Variants in NEBL observed in about 807,000 individuals in gnomAD.
The protein encoded by NEBL is nebulette.
In NEBL, 122 loss-of-function variants were observed where a neutral mutation model predicts 140.2. That is an observed-to-expected ratio of 0.87 (90% CI 0.75 to 1.01). The LOEUF (loss-of-function observed/expected upper bound fraction) is 1.01. NEBL is among the 50% of genes least tolerant of loss of function. The pLI is 0.00. For missense variants in NEBL, 1,365 were observed against 1,231.3 expected (o/e 1.11, Z -1.62); for synonymous variants, 436 against 398.9 (o/e 1.09, Z -1.11).
intron 7 of NEBL, among the ~76,000 whole-genome samples, chr10:20,865,584 C>T (rs933422584): frequency 2.6e-5 from 4 of 152,064 alleles, no homozygotes; most frequent in Non-Finnish European, 2.9e-5. Flanking sequence ...CAGAAAAGGG[C>T]GAAGTTGTAA....
chr10:20,883,387 C>A lies in NEBL; in HGVS notation c.370-2483G>T, dbSNP rs141020845. Among the ~76,000 whole-genome samples the A allele has an allele frequency of 5.0e-3, 757 of 152,302 alleles. 4 individuals carry two copies. The highest frequency in any genetic ancestry group is 0.017 in the African/African-American group (687 of 41,578). ...GTTAGAGTCTGTCCACCAACATACTCCATCAAGATATCTCCCTCTGGTGAC... is the reference window on the plus strand; with the variant it reads ...GTTAGAGTCTGTCCACCAACATACTACATCAAGATATCTCCCTCTGGTGAC... On this transcript the variant is annotated intron_variant, in intron 4 of 27. Coordinates refer to ENST00000377122, the MANE Select transcript of NEBL (RefSeq NM_006393.3).
At chr10:20,938,737 C>G (rs181358497) in intron 4 of NEBL, among the ~76,000 whole-genome samples, 1 of 152,124 alleles carries the variant, frequency 6.6e-6, no homozygotes, top group Non-Finnish European at 1.5e-5. Context: ...GCAAAGAAGT[C>G]CTCAAAGGAC....
At chr10:21,091,902 G>C (rs1836931673) in intron 2 of NEBL, among the ~76,000 whole-genome samples, 1 of 152,188 alleles carries the variant, frequency 6.6e-6, no homozygotes, top group African/African-American at 2.4e-5. Flanking sequence ...AAAATGCTGG[G>C]ATTACCGGCA....
chr10:20,905,539 C>A (rs1342625094), intron 4 of NEBL, among the ~76,000 whole-genome samples: 4 of 152,070 alleles, frequency 2.6e-5, no homozygotes, highest in Non-Finnish European at 5.9e-5. Flanking sequence ...GAAACTGCCC[C>A]CATGATCCAA....
chr10:20,847,261 C>T (rs1317075056), intron 11 of NEBL, among the ~76,000 whole-genome samples: 1 of 152,126 alleles, frequency 6.6e-6, no homozygotes, highest in East Asian at 1.9e-4. Context: ...AAGATACTTT[C>T]TACTGAAAGA....
chr10:21,144,264 G>A (rs1448166993), intron 2 of NEBL, among the ~76,000 whole-genome samples: 1 of 152,226 alleles, frequency 6.6e-6, no homozygotes, highest in Non-Finnish European at 1.5e-5. Context: ...ACCTGCAGAT[G>A]GGGCTGGATG....
intron 2 of NEBL, among the ~76,000 whole-genome samples, chr10:21,051,896 G>T (rs905538547): frequency 3.9e-5 from 6 of 152,130 alleles, no homozygotes; most frequent in African/African-American, 1.4e-4. Flanking sequence ...CTATGAGGGT[G>T]TGGTGGTGTG....
chr10:20,808,794 G>A (rs1324813796), intron 25 of NEBL, 135 bp from the exon 26 acceptor site: 5 of 936,846 alleles, frequency 5.3e-6, no homozygotes, highest in African/African-American at 4.9e-5. Context: ...TCAGCGCTAG[G>A]CACCTATTCC....
chr10:20,821,450 A>C (rs77381907), intron 19 of NEBL, among the ~76,000 whole-genome samples: 3,285 of 152,266 alleles, frequency 0.022, 66 homozygotes, highest in Non-Finnish European at 0.035. Flanking sequence ...AAATTTCCCA[A>C]ATTTCTGCCA....
intron 3 of NEBL, among the ~76,000 whole-genome samples, chr10:21,226,417 T>C (rs1343105773): frequency 6.6e-6 from 1 of 152,134 alleles, no homozygotes; most frequent in Non-Finnish European, 1.5e-5. Context: ...CCAAAGTCCA[T>C]TGGCTCTGAG....
chr10:20,867,445 T>C (rs966200282), intron 7 of NEBL, among the ~76,000 whole-genome samples: 1 of 152,200 alleles, frequency 6.6e-6, no homozygotes, highest in Non-Finnish European at 1.5e-5. Flanking sequence ...TCAAAAAAAC[T>C]ATAAATGTGT....
chr10:21,267,317 T>G (rs1233439739), intron 1 of NEBL, among the ~76,000 whole-genome samples: 1 of 152,026 alleles, frequency 6.6e-6, no homozygotes, highest in African/African-American at 2.4e-5. Flanking sequence ...TTTTGCCATG[T>G]TGGCCAGGCT....
chr10:21,227,152 C>A (rs1842162865), intron 3 of NEBL, among the ~76,000 whole-genome samples: 1 of 152,026 alleles, frequency 6.6e-6, no homozygotes, highest in Admixed American at 6.6e-5. Context: ...TGGAAATTTT[C>A]TGATCTGTGA....
chr10:21,074,014 G>T (rs1277873548), intron 2 of NEBL, among the ~76,000 whole-genome samples: 1 of 152,086 alleles, frequency 6.6e-6, no homozygotes, highest in Non-Finnish European at 1.5e-5. Context: ...GGTGGAGGTT[G>T]CAGTGAGCCG....
intron 2 of NEBL, among the ~76,000 whole-genome samples, chr10:21,125,392 C>A (rs1431675991): frequency 6.6e-6 from 1 of 152,158 alleles, no homozygotes; most frequent in African/African-American, 2.4e-5. Flanking sequence ...GTCTTCCAAA[C>A]AACTGTTTTA....
At chr10:20,817,918 C>T (rs1044686700) in intron 20 of NEBL, among the ~76,000 whole-genome samples, 1 of 152,182 alleles carries the variant, frequency 6.6e-6, no homozygotes, top group Non-Finnish European at 1.5e-5. Flanking sequence ...ATGCTTTCCT[C>T]TTCAATATCA....
intron 27 of NEBL, among the ~76,000 whole-genome samples, chr10:20,786,696 A>C (rs528579521): frequency 6.6e-6 from 1 of 152,348 alleles, no homozygotes; most frequent in Admixed American, 6.5e-5. Flanking sequence ...GGCTTGTAGA[A>C]GAAATTTCTG....
At chr10:21,098,080 A>G (rs1404368356) in intron 2 of NEBL, among the ~76,000 whole-genome samples, 1 of 152,206 alleles carries the variant, frequency 6.6e-6, no homozygotes, top group Admixed American at 6.5e-5. Flanking sequence ...GAAATCAGTA[A>G]CAATGGGTCT....
chr10:21,189,912 G>T lies in NEBL; in HGVS notation n.349-17435C>A, dbSNP rs575652353. On this transcript the variant is annotated intron_variant and non_coding_transcript_variant, in intron 3 of 8. Coordinates refer to the NEBL transcript ENST00000675702. ...GCTCAGAATCCTTCTGGGCATCACA[G>T]CATCTCATCTCTGACTGATGCAAAA... Among the ~76,000 whole-genome samples the T allele has an allele frequency of 2.0e-5, 3 of 152,262 alleles. No homozygotes were observed. The East Asian group carries it at 5.8e-4, about 29-fold the overall frequency.
Sources: gnomAD v4.1 joint callset for allele counts (sites outside exome capture counted in the v4.1 genomes callset) on GRCh38, gnomAD v4.1.1 for gene constraint, MANE v1.5 for transcripts, NCBI Gene and HGNC (gene_info 2026-07-23, HGNC 2026-07-21) for gene names.